The following PCDH15 variants were observed in gnomAD, a reference collection of about 807,000 sequenced individuals.
The protein encoded by PCDH15 is protocadherin related 15.
Under a neutral mutation model 178.5 loss-of-function variants are expected in PCDH15, and 129 were observed. That is an observed-to-expected ratio of 0.72 (90% confidence interval 0.63 to 0.84). The LOEUF is 0.84. Ranked by LOEUF, PCDH15 falls within the 40% of genes least tolerant of loss-of-function variation. PCDH15 has a pLI of 0.00. For synonymous variants in PCDH15, 800 were observed against 732.0 expected (o/e 1.09, Z -1.50); for missense variants, 2,230 against 2,099.9 (o/e 1.06, Z -1.21).
chr10:54,156,216 C>T (rs1248835509), intron 13 of PCDH15, among the ~76,000 whole-genome samples: 1 of 151,834 alleles, frequency 6.6e-6, no homozygotes, highest in Non-Finnish European at 1.5e-5. Context: ...GAACTTTAGC[C>T]CTACCCTTTC....
chr10:54,239,605 C>G (rs768607098), intron 8 of PCDH15, among the ~76,000 whole-genome samples: 2 of 151,758 alleles, frequency 1.3e-5, no homozygotes, highest in Non-Finnish European at 2.9e-5. Flanking sequence ...ATGTCATTAC[C>G]ATAGCCCGTA....
intron 26 of PCDH15, among the ~76,000 whole-genome samples, chr10:53,885,002 C>T (rs1023550378): frequency 2.0e-5 from 3 of 152,084 alleles, no homozygotes; most frequent in African/African-American, 7.2e-5. Context: ...AGAGAAAGAG[C>T]TGCTTCGTTT....
intron 1 of PCDH15, among the ~76,000 whole-genome samples, chr10:55,276,073 T>C (rs1242457669): frequency 6.6e-6 from 1 of 151,190 alleles, no homozygotes; most frequent in African/African-American, 2.4e-5. Context: ...AAATGATTTT[T>C]ACATGTTGAT....
At chr10:54,324,164 G>A (rs1159784707) in intron 7 of PCDH15, among the ~76,000 whole-genome samples, 1 of 152,082 alleles carries the variant, frequency 6.6e-6, no homozygotes, top group East Asian at 1.9e-4. Context: ...AGTGAGGGAA[G>A]GTCAGGGTAG....
intron 2 of PCDH15, among the ~76,000 whole-genome samples, chr10:54,552,896 A>G (rs1343081768): frequency 2.6e-5 from 4 of 152,194 alleles, no homozygotes; most frequent in African/African-American, 9.7e-5. Flanking sequence ...TGAAATGCCT[A>G]CAGATCAATT....
At chr10:55,175,380 G>A (rs879793187) in intron 1 of PCDH15, among the ~76,000 whole-genome samples, 112 of 152,114 alleles carry the variant, frequency 7.4e-4, no homozygotes, top group African/African-American at 2.6e-3. Context: ...GGCAGAACCT[G>A]ATATTAGGAG....
At chr10:54,029,812 T>C (rs2093238567) in intron 18 of PCDH15, among the ~76,000 whole-genome samples, 1 of 152,148 alleles carries the variant, frequency 6.6e-6, no homozygotes, top group Non-Finnish European at 1.5e-5. Context: ...TACACAATTC[T>C]TTCCATCCAT....
chr10:54,823,316 G>C (rs1425253992), intron 3 of PCDH15, among the ~76,000 whole-genome samples: 1 of 151,998 alleles, frequency 6.6e-6, no homozygotes, highest in Non-Finnish European at 1.5e-5. Flanking sequence ...GCAGTAAACT[G>C]CTCCTCAACT....
intron 2 of PCDH15, among the ~76,000 whole-genome samples, chr10:55,456,082 A>G (rs1196428569): frequency 6.6e-6 from 1 of 152,144 alleles, no homozygotes; most frequent in Non-Finnish European, 1.5e-5. Context: ...GTTGTAGTCA[A>G]TCAGATAATT....
chr10:54,280,719 T>C lies in PCDH15; in HGVS notation c.876+36552A>G, dbSNP rs566938722. 3.9e-5 allele frequency among the ~76,000 whole-genome samples: 6 copies of C among 151,926 alleles called. No homozygotes were observed. The East Asian group carries it at 1.2e-3, about 29-fold the overall frequency. ...CAATTGTTCCCTTATCTCCCTCAAG[T>C]GGACACTGTCGGCTTTTCGTAGATG... is the stretch of plus-strand genomic sequence containing the variant. On this transcript the variant is annotated intron_variant, in intron 8 of 37. Coordinates refer to ENST00000644397, the MANE Select transcript of PCDH15 (RefSeq NM_001384140.1).
At chr10:54,988,131 A>T (rs1200173490) in intron 2 of PCDH15, among the ~76,000 whole-genome samples, 1 of 152,112 alleles carries the variant, frequency 6.6e-6, no homozygotes, top group African/African-American at 2.4e-5. Context: ...TCCTTTCACC[A>T]TTGCTTGCTT....
At chr10:55,279,266 TGAG>T in intron 1 of PCDH15, among the ~76,000 whole-genome samples, 1 of 152,312 alleles carries the variant, frequency 6.6e-6, no homozygotes, top group East Asian at 1.9e-4. Flanking sequence ...ATGCGATCTC[TGAG>T]GAGTTGTCAG....
At chr10:54,025,100 T>C (rs1274171698) in intron 18 of PCDH15, among the ~76,000 whole-genome samples, 2 of 152,178 alleles carry the variant, frequency 1.3e-5, no homozygotes, top group African/African-American at 2.4e-5. Context: ...TTTATTATGG[T>C]AGAATGGCTC....
chr10:54,007,909 C>T (rs1474568328), intron 20 of PCDH15, among the ~76,000 whole-genome samples: 7 of 152,074 alleles, frequency 4.6e-5, no homozygotes, highest in East Asian at 3.9e-4. Context: ...TTCAGTACTG[C>T]GAGTAATTAG....
chr10:53,976,522 T>G (rs1372222845), intron 21 of PCDH15, among the ~76,000 whole-genome samples: 1 of 152,150 alleles, frequency 6.6e-6, no homozygotes, highest in Admixed American at 6.6e-5. Context: ...TATCCTCTTT[T>G]AACATTCTGG....
chr10:55,074,051 T>C (rs185779035), intron 2 of PCDH15, among the ~76,000 whole-genome samples: 3 of 152,262 alleles, frequency 2.0e-5, no homozygotes, highest in Admixed American at 1.3e-4. Flanking sequence ...CTCATTCTTT[T>C]CTATGGCTGC....
At chr10:53,955,766 A>G (rs2087552471) in intron 23 of PCDH15, among the ~76,000 whole-genome samples, 1 of 152,234 alleles carries the variant, frequency 6.6e-6, no homozygotes. Flanking sequence ...CCATCCTAAT[A>G]ATCAAAAATT....
chr10:54,887,447 C>A (rs1268385474), intron 3 of PCDH15, among the ~76,000 whole-genome samples: 2 of 151,922 alleles, frequency 1.3e-5, no homozygotes, highest in Non-Finnish European at 2.9e-5. Context: ...CCGTTCTCAC[C>A]CTAAATTAAC....
intron 2 of PCDH15, among the ~76,000 whole-genome samples, chr10:55,601,251 T>A (rs1264253005): frequency 6.6e-6 from 1 of 152,202 alleles, no homozygotes; most frequent in African/African-American, 2.4e-5. Flanking sequence ...CATACACTTA[T>A]ATATTGAATT....
Sources: allele counts gnomAD v4.1 joint callset (sites outside exome capture counted in the v4.1 genomes callset), GRCh38; gene constraint gnomAD v4.1.1; transcripts MANE v1.5; gene names NCBI Gene and HGNC (gene_info 2026-07-23, HGNC 2026-07-21).